The following FAM78B variants were observed in gnomAD, a reference collection of about 807,000 sequenced individuals.
FAM78B encodes family with sequence similarity 78 member B.
Under a neutral mutation model 20.0 loss-of-function variants are expected in FAM78B, and 10 were observed. The ratio of observed to expected loss-of-function variants is 0.50; its 90% CI spans 0.31 to 0.85. The LOEUF (loss-of-function observed/expected upper bound fraction) is 0.85. Ranked by LOEUF, FAM78B falls within the 40% of genes least tolerant of loss-of-function variation. The pLI, the probability that FAM78B is intolerant of heterozygous loss-of-function variation, is 0.05. For synonymous variants in FAM78B, 135 were observed against 132.8 expected (o/e 1.02, Z -0.12); for missense variants, 283 against 345.0 (o/e 0.82, Z 1.42).
At chr1:166,135,440 T>C (rs1655033799) in intron 1 of FAM78B, among the ~76,000 whole-genome samples, 2 of 152,234 alleles carry the variant, frequency 1.3e-5, no homozygotes, top group African/African-American at 4.8e-5. Flanking sequence ...CTGATGATGA[T>C]TCACATCGCA....
intron 1 of FAM78B, among the ~76,000 whole-genome samples, chr1:166,103,209 G>A (rs1016731101): frequency 1.3e-5 from 2 of 152,226 alleles, no homozygotes; most frequent in Non-Finnish European, 2.9e-5. Flanking sequence ...AAAGCAGTGT[G>A]TAGAGGGAAA....
At chr1:166,073,504 C>T (rs2101712741) in intron 1 of FAM78B, among the ~76,000 whole-genome samples, 2 of 150,708 alleles carry the variant, frequency 1.3e-5, no homozygotes, top group South Asian at 4.2e-4. Flanking sequence ...TTCCCTCTCT[C>T]TATCTCTCGC....
intron 1 of FAM78B, among the ~76,000 whole-genome samples, chr1:166,157,270 T>A (rs1655944450): frequency 6.6e-6 from 1 of 151,948 alleles, no homozygotes; most frequent in African/African-American, 2.4e-5. Flanking sequence ...TCCACAGTCA[T>A]CCTCTAGCAA....
intron 1 of FAM78B, among the ~76,000 whole-genome samples, chr1:166,110,579 T>C (rs1051352399): frequency 1.3e-5 from 2 of 152,202 alleles, no homozygotes; most frequent in African/African-American, 4.8e-5. Context: ...TGCTTGCCTG[T>C]CACAGAAACA....
chr1:166,154,584 T>C (rs1316659341), intron 1 of FAM78B, among the ~76,000 whole-genome samples: 4 of 152,236 alleles, frequency 2.6e-5, no homozygotes, highest in African/African-American at 4.8e-5. Flanking sequence ...TTTCCTTTCC[T>C]GGGCAGGTGG....
In FAM78B at chr1:166,106,093, A is replaced by T. The variant is rs192709303; in HGVS notation, c.264-35330T>A. On this transcript the variant is annotated intron_variant, in intron 1 of 1. Transcript: ENST00000354422. ...AAGATGGAAACCATCATTCTCAGCAAAGTATCACAAGGACGAAAAACCAAA... is the reference window on the plus strand; with the variant it reads ...AAGATGGAAACCATCATTCTCAGCATAGTATCACAAGGACGAAAAACCAAA... 1.3e-5 allele frequency among the ~76,000 whole-genome samples: 2 copies of T among 151,884 alleles called. 1 individual carries two copies. The highest frequency in any genetic ancestry group is 3.9e-4 in the East Asian group (2 of 5,124).
intron 1 of FAM78B, among the ~76,000 whole-genome samples, chr1:166,141,350 G>A (rs1655269799): frequency 6.6e-6 from 1 of 152,166 alleles, no homozygotes; most frequent in African/African-American, 2.4e-5. Context: ...AAATCTAAGT[G>A]GGTTTTACTC....
At chr1:166,164,019 C>G (rs528917978) in intron 1 of FAM78B, among the ~76,000 whole-genome samples, 1 of 152,324 alleles carries the variant, frequency 6.6e-6, no homozygotes, top group African/African-American at 2.4e-5. Context: ...GAGGACATAC[C>G]TTCCCTATAG....
intron 1 of FAM78B, among the ~76,000 whole-genome samples, chr1:166,078,154 C>T (rs1652411514): frequency 6.6e-6 from 1 of 151,580 alleles, no homozygotes. Flanking sequence ...GCCTCAGACT[C>T]CCGAGTAGCT....
chr1:166,086,070 ACT>A (rs1245057293), intron 1 of FAM78B, among the ~76,000 whole-genome samples: 4 of 145,350 alleles, frequency 2.8e-5, no homozygotes, highest in East Asian at 2.0e-4. Context: ...GTACTATGTT[ACT>A]CTTTTTTTTT....
At chr1:166,160,560 C>T (rs958896837) in intron 1 of FAM78B, among the ~76,000 whole-genome samples, 2 of 152,178 alleles carry the variant, frequency 1.3e-5, no homozygotes, top group Admixed American at 6.5e-5. Flanking sequence ...AAAAGCACAG[C>T]GGAGTTAAAC....
chr1:166,127,174 G>T (rs1364956624), intron 1 of FAM78B, among the ~76,000 whole-genome samples: 1 of 152,230 alleles, frequency 6.6e-6, no homozygotes, highest in Admixed American at 6.5e-5. Flanking sequence ...AGATTGAAAT[G>T]TATGCATGTC....
chr1:166,085,948 A>C (rs1652811201), intron 1 of FAM78B, among the ~76,000 whole-genome samples: 1 of 152,190 alleles, frequency 6.6e-6, no homozygotes, highest in Non-Finnish European at 1.5e-5. Context: ...AGAGGCAGGA[A>C]TCTCAAATGT....
At chr1:166,155,449 A>C (rs1655857232) in intron 1 of FAM78B, among the ~76,000 whole-genome samples, 1 of 152,218 alleles carries the variant, frequency 6.6e-6, no homozygotes, top group Non-Finnish European at 1.5e-5. Context: ...AGCATCTGGC[A>C]CACACTAGTT....
chr1:166,134,349 C>T (rs911828404), intron 1 of FAM78B, among the ~76,000 whole-genome samples: 2 of 152,028 alleles, frequency 1.3e-5, no homozygotes, highest in African/African-American at 4.8e-5. Flanking sequence ...AAAAATGAAG[C>T]AGAAGTGCAG....
intron 1 of FAM78B, among the ~76,000 whole-genome samples, chr1:166,088,110 CAAGAG>C (rs1652909477): frequency 6.6e-6 from 1 of 152,196 alleles, no homozygotes; most frequent in Non-Finnish European, 1.5e-5. Flanking sequence ...TTCCAACACT[CAAGAG>C]ACTGGCTTTT....
chr1:166,088,567 C>T (rs1475611121), intron 1 of FAM78B, among the ~76,000 whole-genome samples: 1 of 152,144 alleles, frequency 6.6e-6, no homozygotes, highest in Non-Finnish European at 1.5e-5. Flanking sequence ...GCAGAGCTGC[C>T]ATGTGGGTTA....
chr1:166,109,879 T>C (rs1392649472), intron 1 of FAM78B, among the ~76,000 whole-genome samples: 3 of 16,334 alleles, frequency 1.8e-4, no homozygotes, highest in Admixed American at 1.0e-3. Flanking sequence ...TATATATATA[T>C]ATGTATATAT....
intron 1 of FAM78B, among the ~76,000 whole-genome samples, chr1:166,139,605 G>A (rs1268993395): frequency 6.6e-6 from 1 of 152,104 alleles, no homozygotes; most frequent in Admixed American, 6.5e-5. Context: ...AGGAGGAGGT[G>A]GCATTTGAAC....
Sources: gnomAD v4.1 joint callset for allele counts (sites outside exome capture counted in the v4.1 genomes callset) on GRCh38, gnomAD v4.1.1 for gene constraint, MANE v1.5 for transcripts, NCBI Gene and HGNC (gene_info 2026-07-23, HGNC 2026-07-21) for gene names.